SGTB: variants seen among roughly 807,000 people sequenced by gnomAD.
SGTB encodes the protein small glutamine rich tetratricopeptide repeat co-chaperone beta.
A neutral mutation model predicts 43.9 loss-of-function variants in SGTB; 19 were observed. That is an observed-to-expected ratio of 0.43 (90% CI 0.30 to 0.63). The LOEUF is 0.63. Ranked by LOEUF, SGTB falls within the 30% of genes least tolerant of loss-of-function variation. The pLI is 0.12. For missense variants in SGTB, 304 were observed against 358.9 expected (o/e 0.85, Z 1.24); for synonymous variants, 116 against 117.3 (o/e 0.99, Z 0.07).
intron 3 of SGTB, 59 bp from the exon 4 acceptor site, chr5:65,708,617 G>A: frequency 7.6e-7 from 1 of 1,309,496 alleles, no homozygotes; most frequent in Non-Finnish European, 1.1e-6. Context: ...TCATCCTAGA[G>A]TACTATAAAT....
intron 5 of SGTB, among the ~76,000 whole-genome samples, chr5:65,688,026 C>T (rs1263722104): frequency 6.6e-6 from 1 of 152,164 alleles, no homozygotes; most frequent in Admixed American, 6.5e-5. Context: ...ACCTCGGCCT[C>T]CCCAAGTGCT....
rs564135853 is a variant in SGTB, at chr5:65,666,641, T to G, written c.*3605A>C. 102 of 152,288 alleles carry G rather than the reference T, an allele frequency of 6.7e-4. No homozygotes were observed. Among genetic ancestry groups the G allele is most frequent in the African/African-American group, 2.4e-3 (100 of 41,586 alleles). 9.4% of individuals were successfully genotyped at this position (152,288 alleles called of 1,614,324 possible). ...TCCAACCACGCAACTTTTTTTGAAATAGCTTGCAATGCTATGATTCCAAAG... is the reference window on the plus strand; with the variant it reads ...TCCAACCACGCAACTTTTTTTGAAAGAGCTTGCAATGCTATGATTCCAAAG... On this transcript the variant is annotated 3_prime_UTR_variant, in exon 11 of 11. Coordinates refer to ENST00000381007, the MANE Select transcript of SGTB (RefSeq NM_019072.3).
chr5:65,697,592 C>T (rs902717807), intron 5 of SGTB, among the ~76,000 whole-genome samples: 2 of 152,058 alleles, frequency 1.3e-5, no homozygotes, highest in African/African-American at 4.8e-5. Flanking sequence ...AAAACTTAAC[C>T]ATCAAACCAC....
chr5:65,690,938 G>A (rs551062065), intron 5 of SGTB, among the ~76,000 whole-genome samples: 1 of 152,300 alleles, frequency 6.6e-6, no homozygotes, highest in East Asian at 1.9e-4. Context: ...TTAGTGAGAT[G>A]CATTCAAAGA....
chr5:65,707,395 TACAC>T (rs35011866), intron 4 of SGTB, among the ~76,000 whole-genome samples: 2,640 of 133,642 alleles, frequency 0.02, 47 homozygotes, highest in South Asian at 0.073. Context: ...GCTGATTTTA[TACAC>T]ACACACACAC....
chr5:65,710,390 A>G (rs1344461738), intron 3 of SGTB, among the ~76,000 whole-genome samples: 1 of 152,210 alleles, frequency 6.6e-6, no homozygotes, highest in Non-Finnish European at 1.5e-5. Context: ...ACTGTTTTAT[A>G]CTTTGAAAAC....
chr5:65,711,372 A>AG (rs1758043618), intron 3 of SGTB, among the ~76,000 whole-genome samples: 1 of 152,136 alleles, frequency 6.6e-6, no homozygotes, highest in Non-Finnish European at 1.5e-5. Flanking sequence ...AAAAAAAAAA[A>AG]GTAGTTCTAA....
chr5:65,692,625 G>A lies in SGTB; in HGVS notation c.375-7153C>T, dbSNP rs201221362. 2.9e-4 allele frequency among the ~76,000 whole-genome samples: 44 copies of A among 152,136 alleles called. No individual in the cohort carries two copies. The East Asian group carries it at 7.3e-3, about 25-fold the overall frequency. On this transcript the variant is annotated intron_variant, in intron 5 of 10. Transcript: ENST00000381007. ...GAAAAACAATCAATCAAAAAAGTCA[G>A]GGATACTTTTTAGATTAAAAGAGAC...
chr5:65,722,309 C>T (rs1037651536), upstream of SGTB: 37 of 1,391,676 alleles, frequency 2.7e-5, no homozygotes, highest in African/African-American at 5.1e-4. Flanking sequence ...CAGGCGCTGC[C>T]GCCCGCCTCG....
Position 65,683,953 on chromosome 5 carries a change from A to G in SGTB, c.479+1415T>C, listed in dbSNP as rs998274082. Among the ~76,000 whole-genome samples the G allele has an allele frequency of 7.9e-5, 12 of 152,114 alleles. No individual in the cohort carries two copies. In the South Asian group the frequency reaches 1.2e-3, roughly 16 times the overall value. On this transcript the variant is annotated intron_variant, in intron 6 of 10. Coordinates refer to ENST00000381007, the MANE Select transcript of SGTB (RefSeq NM_019072.3). ...AGAGCGAGACTCTGTCTCAAAAAAA[A>G]AAAAAGAAAAAAAGAGATGACAAAG...
intron 6 of SGTB, among the ~76,000 whole-genome samples, chr5:65,682,528 C>T (rs1404787616): frequency 1.3e-5 from 2 of 152,156 alleles, no homozygotes; most frequent in African/African-American, 4.8e-5. Context: ...GCGATCAACA[C>T]TTGGATTCAA....
In SGTB at chr5:65,685,275, T is replaced by G. The variant is rs1240220685; in HGVS notation, c.479+93A>C. ...TTTATCCTCTTATTAGTTCAGAGGG[T>G]AAAACATTAAGCAGGAAATTCAAAA... On this transcript the variant is annotated intron_variant, in intron 6 of 10. Transcript: ENST00000381007. 2.9e-6 allele frequency: 3 copies of G among 1,051,378 alleles called. No individual in the cohort carries two copies. In the African/African-American group the frequency reaches 4.7e-5, roughly 17 times the overall value. The allele number at this position is 1,051,378 out of a possible 1,614,324, so 65.1% of individuals were successfully genotyped here.
chr5:65,704,991 C>G (rs1348648833), intron 4 of SGTB, among the ~76,000 whole-genome samples: 1 of 152,174 alleles, frequency 6.6e-6, no homozygotes, highest in Non-Finnish European at 1.5e-5. Flanking sequence ...CATGGCTAGC[C>G]TGCAAAGTAC....
intron 8 of SGTB, among the ~76,000 whole-genome samples, chr5:65,679,695 T>A (rs950033619): frequency 6.6e-6 from 1 of 152,102 alleles, no homozygotes; most frequent in African/African-American, 2.4e-5. Context: ...GAAAAAGGAA[T>A]GCTTTTAACA....
chr5:65,679,831 A>G (rs1757359442), intron 8 of SGTB, among the ~76,000 whole-genome samples: 1 of 152,244 alleles, frequency 6.6e-6, no homozygotes, highest in Admixed American at 6.5e-5. Context: ...CCGAAGGAAT[A>G]GAAATCTTTC....
chr5:65,681,029 T>C (rs1045460334), intron 6 of SGTB, among the ~76,000 whole-genome samples: 2 of 152,182 alleles, frequency 1.3e-5, no homozygotes, highest in Non-Finnish European at 2.9e-5. Context: ...ATCATGAATT[T>C]AATGCTTAGA....
Position 65,696,034 on chromosome 5 carries a change from G to A in SGTB, c.374+8245C>T, listed in dbSNP as rs1291474422. ...CACAGAAGAGGAGGAAACAAAATGC[G>A]AAATAATGAGGCCTCTGTTCCCATC... On this transcript the variant is annotated intron_variant, in intron 5 of 10. Transcript: ENST00000381007. Among the ~76,000 whole-genome samples the A allele has an allele frequency of 2.6e-5, 4 of 152,304 alleles. No homozygotes were observed. In the East Asian group the frequency reaches 5.8e-4, roughly 22 times the overall value.
upstream of SGTB, chr5:65,722,381 C>T (rs766840617): frequency 4.0e-5 from 63 of 1,587,504 alleles, no homozygotes; most frequent in Non-Finnish European, 1.3e-5. Context: ...CCCATGATCG[C>T]CCGGTGCCTT....
At chr5:65,712,523 G>A (rs1758063344) in intron 3 of SGTB, among the ~76,000 whole-genome samples, 1 of 152,176 alleles carries the variant, frequency 6.6e-6, no homozygotes, top group Non-Finnish European at 1.5e-5. Context: ...GATGAATTCT[G>A]CTTCAGAAAT....
Sources: allele counts gnomAD v4.1 joint callset (sites outside exome capture counted in the v4.1 genomes callset), GRCh38; gene constraint gnomAD v4.1.1; transcripts MANE v1.5; gene names NCBI Gene and HGNC (gene_info 2026-07-23, HGNC 2026-07-21).